Variants in MAPRE2 observed in about 807,000 individuals in gnomAD.
The protein encoded by MAPRE2 is microtubule associated protein RP/EB family member 2.
MAPRE2 carries 13 observed loss-of-function variants against 43.2 expected under a neutral mutation model. The ratio of observed to expected loss-of-function variants is 0.30; its 90% CI spans 0.20 to 0.48. The LOEUF (loss-of-function observed/expected upper bound fraction) is 0.48. MAPRE2 is among the 20% of genes least tolerant of loss of function. The pLI, the probability that MAPRE2 is intolerant of heterozygous loss-of-function variation, is 0.99. For synonymous variants in MAPRE2, 135 were observed against 148.8 expected (o/e 0.91, Z 0.68); for missense variants, 161 against 400.2 (o/e 0.40, Z 5.10).
intron 6 of MAPRE2, among the ~76,000 whole-genome samples, chr18:35,132,709 G>A (rs1268856613): frequency 3.9e-5 from 6 of 152,330 alleles, no homozygotes; most frequent in South Asian, 2.1e-4. Context: ...TGCCACCAGA[G>A]TTGCTATTCA....
intron 2 of MAPRE2, among the ~76,000 whole-genome samples, chr18:35,015,423 T>C (rs1334050796): frequency 6.6e-6 from 1 of 152,094 alleles, no homozygotes; most frequent in Admixed American, 6.6e-5. Flanking sequence ...TACATGAAAC[T>C]TCGTTGTTGC....
In MAPRE2 at chr18:34,993,171, CAT is replaced by C. The variant is rs1455173785; in HGVS notation, c.-69-12319_-69-12318del. 1.2e-4 allele frequency among the ~76,000 whole-genome samples: 18 copies of C among 151,778 alleles called. No homozygotes were observed. The East Asian group carries it at 2.7e-3, about 23-fold the overall frequency. ...TCAGATTGGATTGCAGTGATACAGA[CAT>C]AGCTCACTGCAGCTTCAAACTCCCG... On this transcript the variant is annotated intron_variant, in intron 1 of 7. Coordinates refer to the MAPRE2 transcript ENST00000413393.
In MAPRE2 at chr18:35,069,754, C is replaced by A. The variant is rs1603397376; in HGVS notation, c.123-441C>A. On this transcript the variant is annotated intron_variant, in intron 1 of 6. Coordinates refer to ENST00000300249, the MANE Select transcript of MAPRE2 (RefSeq NM_014268.4). The stretch of plus-strand genomic sequence containing the variant: ...CAGGTTTAAATATTAAAAAAAGAAT[C>A]CTTTATCACTGCACACCTACTAGAA... 3.9e-5 allele frequency among the ~76,000 whole-genome samples: 6 copies of A among 152,168 alleles called. No homozygotes were observed. The East Asian group carries it at 1.2e-3, about 29-fold the overall frequency.
At chr18:35,015,531 T>G (rs939908587) in intron 2 of MAPRE2, among the ~76,000 whole-genome samples, 7 of 152,038 alleles carry the variant, frequency 4.6e-5, no homozygotes, top group African/African-American at 1.7e-4. Flanking sequence ...CAAGCGGGTG[T>G]GAATGCAAAT....
Position 34,994,400 on chromosome 18 carries a change from C to CTTT in MAPRE2, c.-69-11084_-69-11082dup, listed in dbSNP as rs34555170. On this transcript the variant is annotated intron_variant, in intron 1 of 7. Coordinates refer to the MAPRE2 transcript ENST00000413393. ...TTTGTTTTTTGGCTTCTGTTTTTTG[C>CTTT]TTTTTTTTTTCTTTTCCTAGGCTGC... is the stretch of plus-strand genomic sequence containing the variant. Among the ~76,000 whole-genome samples the CTTT allele has an allele frequency of 2.5e-3, 372 of 149,082 alleles. 1 individual carries two copies. The highest frequency in any genetic ancestry group is 4.5e-3 in the Non-Finnish European group (303 of 67,282).
At chr18:35,140,240 G>C in intron 6 of MAPRE2, 55 bp from the exon 7 acceptor site, 1 of 1,506,478 alleles carries the variant, frequency 6.6e-7, no homozygotes, top group South Asian at 1.2e-5. Context: ...CTGGGATGCT[G>C]CAGGGCCCCA....
At chr18:35,001,429 G>A (rs563692694) in intron 1 of MAPRE2, among the ~76,000 whole-genome samples, 8 of 151,756 alleles carry the variant, frequency 5.3e-5, no homozygotes, top group South Asian at 2.1e-4. Context: ...CACGAGAATC[G>A]CTTGAACCCT....
intron 1 of MAPRE2, among the ~76,000 whole-genome samples, chr18:35,069,879 C>A (rs1187778777): frequency 1.3e-5 from 2 of 151,854 alleles, no homozygotes; most frequent in Admixed American, 1.3e-4. Context: ...TGCTACAAAC[C>A]TGGTAACTTT....
intron 1 of MAPRE2, 41 bp downstream of exon 1, chr18:35,041,702 G>T: frequency 6.2e-7 from 1 of 1,613,582 alleles, no homozygotes; most frequent in African/African-American, 1.3e-5. Context: ...GGACCGCCGT[G>T]AGGGCGCGCG....
chr18:34,985,348 A>ATTATATATTGTATATATTATT (rs2097019585), intron 1 of MAPRE2, among the ~76,000 whole-genome samples: 6 of 42,810 alleles, frequency 1.4e-4, no homozygotes, highest in African/African-American at 2.2e-4. Flanking sequence ...AATATATTAT[A>ATTATATATTGTATATATTATT]TTATATATAT....
At chr18:35,139,200 C>T (rs962116898) in intron 6 of MAPRE2, among the ~76,000 whole-genome samples, 7 of 152,092 alleles carry the variant, frequency 4.6e-5, no homozygotes, top group African/African-American at 1.4e-4. Flanking sequence ...AAGAGGGGCC[C>T]GACAGACAGG....
chr18:35,047,053 A>G (rs1603393810), intron 1 of MAPRE2, among the ~76,000 whole-genome samples: 1 of 152,070 alleles, frequency 6.6e-6, no homozygotes, highest in East Asian at 1.9e-4. Flanking sequence ...TGCTCAGGAC[A>G]CTCCCTGTGA....
intron 6 of MAPRE2, among the ~76,000 whole-genome samples, chr18:35,139,321 C>G (rs540107005): frequency 6.6e-6 from 1 of 152,274 alleles, no homozygotes; most frequent in African/African-American, 2.4e-5. Context: ...AAGCTGTGTG[C>G]CCTTACTGAG....
At chr18:35,026,893 T>G (rs1210378511) in intron 2 of MAPRE2, among the ~76,000 whole-genome samples, 2 of 152,216 alleles carry the variant, frequency 1.3e-5, no homozygotes, top group African/African-American at 2.4e-5. Context: ...TAACCAGTCA[T>G]GTAGTCTTGT....
At chr18:34,987,633 G>A (rs1300636444) in intron 1 of MAPRE2, among the ~76,000 whole-genome samples, 2 of 151,844 alleles carry the variant, frequency 1.3e-5, no homozygotes, top group African/African-American at 4.8e-5. Context: ...ATAATATTAT[G>A]AATCAATGTG....
chr18:35,131,366 C>A (rs574776695), intron 5 of MAPRE2, among the ~76,000 whole-genome samples: 61 of 152,316 alleles, frequency 4.0e-4, no homozygotes, highest in South Asian at 8.3e-4. Flanking sequence ...GCTGCTAGAG[C>A]AGAGTACTGT....
intron 2 of MAPRE2, among the ~76,000 whole-genome samples, chr18:35,080,098 T>C (rs1260989562): frequency 6.6e-6 from 1 of 152,230 alleles, no homozygotes; most frequent in Non-Finnish European, 1.5e-5. Context: ...GGATGGTCAA[T>C]AAATATTTAT....
chr18:34,989,944 T>A lies in MAPRE2; in HGVS notation c.-70+12865T>A, dbSNP rs189391208. On this transcript the variant is annotated intron_variant, in intron 1 of 7. Coordinates refer to the MAPRE2 transcript ENST00000413393. ...ATGGTCTCCACCCATCTCAATGGGG[T>A]GAGTTAGGTGGCCCATATTTGGTTT... 1.3e-4 allele frequency among the ~76,000 whole-genome samples: 20 copies of A among 152,208 alleles called. No individual in the cohort carries two copies. The East Asian group carries it at 3.7e-3, about 28-fold the overall frequency.
chr18:35,030,461 G>C (rs914524867), intron 2 of MAPRE2, among the ~76,000 whole-genome samples: 2 of 152,218 alleles, frequency 1.3e-5, no homozygotes, highest in Non-Finnish European at 2.9e-5. Context: ...CATCTGGCAA[G>C]TGTGTTTGTG....
Sources: gnomAD v4.1 joint callset for allele counts (sites outside exome capture counted in the v4.1 genomes callset) on GRCh38, gnomAD v4.1.1 for gene constraint, MANE v1.5 for transcripts, NCBI Gene and HGNC (gene_info 2026-07-23, HGNC 2026-07-21) for gene names.